PNKD: variants seen among roughly 807,000 people sequenced by gnomAD.
PNKD encodes the protein PNKD metallo-beta-lactamase domain containing.
PNKD carries 36 observed loss-of-function variants against 45.3 expected under a neutral mutation model. That is an observed-to-expected ratio of 0.80 (90% confidence interval 0.61 to 1.05). The LOEUF (loss-of-function observed/expected upper bound fraction) is 1.05. PNKD is among the 50% of genes least tolerant of loss of function. PNKD has a pLI of 0.00. For synonymous variants in PNKD, 197 were observed against 210.1 expected (o/e 0.94, Z 0.54); for missense variants, 511 against 506.6 (o/e 1.01, Z -0.08).
rs547275400 is a variant in PNKD, at chr2:218,345,845, C to T, written c.*864C>T. 12 of 152,566 alleles carry T rather than the reference C, an allele frequency of 7.9e-5. No homozygotes were observed. Among genetic ancestry groups the T allele is most frequent in the African/African-American group, 2.9e-4 (12 of 41,594 alleles). The allele number at this position is 152,566 out of a possible 1,614,324, so 9.5% of individuals were successfully genotyped here. A position where few individuals can be genotyped will look rare whatever the true frequency, so the allele number is the denominator to read the frequency against. On this transcript the variant is annotated 3_prime_UTR_variant, in exon 10 of 10. Transcript: ENST00000273077. ...GGTCCTCTTTGGCCGATGCTGTATTCTCATTTTGGCCCTTGTTCTTAGGCC... is the reference window on the plus strand; with the variant it reads ...GGTCCTCTTTGGCCGATGCTGTATTTTCATTTTGGCCCTTGTTCTTAGGCC...
chr2:218,320,595 C>A (rs1693960814), intron 2 of PNKD, among the ~76,000 whole-genome samples: 1 of 152,120 alleles, frequency 6.6e-6, no homozygotes, highest in African/African-American at 2.4e-5. Context: ...ATGAATAAGA[C>A]CCAGAGTTGG....
At chr2:218,304,521 C>T (rs1187807358) in intron 2 of PNKD, among the ~76,000 whole-genome samples, 1 of 152,190 alleles carries the variant, frequency 6.6e-6, no homozygotes. Flanking sequence ...GCCTGGAGAA[C>T]TGTTTCCAGC....
At chr2:218,279,163 C>G in intron 2 of PNKD, 1 of 1,599,954 alleles carries the variant, frequency 6.3e-7, no homozygotes, top group South Asian at 1.1e-5. Context: ...CCAGGCAGCC[C>G]TGGCTTCACC....
rs780955902 is a variant in PNKD, at chr2:218,307,497, A to G, written c.237-32286A>G. Among the ~76,000 whole-genome samples, 180 of 152,252 alleles carry G rather than the reference A, an allele frequency of 1.2e-3. 1 individual carries two copies. The highest frequency in any genetic ancestry group is 1.7e-3 in the Non-Finnish European group (116 of 68,016). ...ACATCCCTCACATGCGCAGTTCACA[A>G]TAGGGTGCGAGCTCCTATGAGAATC... On this transcript the variant is annotated intron_variant, in intron 2 of 9. Coordinates refer to ENST00000273077, the MANE Select transcript of PNKD (RefSeq NM_015488.5).
intron 1 of PNKD, 79 bp from the exon 2 acceptor site, chr2:218,271,302 C>G (rs1037358511): frequency 1.4e-5 from 17 of 1,220,166 alleles, no homozygotes; most frequent in Non-Finnish European, 1.8e-5. Context: ...CCGCTCCTCC[C>G]AAGCCCTTAC....
intron 2 of PNKD, chr2:218,323,025 G>A: frequency 4.7e-6 from 2 of 429,534 alleles, no homozygotes; most frequent in Non-Finnish European, 7.4e-6. Flanking sequence ...GGCCCGCTGT[G>A]GCCCCGCCTC....
chr2:218,291,947 T>G (rs1451560574), intron 2 of PNKD, among the ~76,000 whole-genome samples: 4 of 133,016 alleles, frequency 3.0e-5, no homozygotes, highest in South Asian at 2.6e-4. Context: ...GGACCCCCCC[T>G]TCCCCACCCC....
At chr2:218,275,949 C>A (rs1691159068) in intron 2 of PNKD, 1 of 1,520,348 alleles carries the variant, frequency 6.6e-7, no homozygotes, top group African/African-American at 1.4e-5. Context: ...CCCAGGCAGT[C>A]TAAATTCATG....
chr2:218,340,111 TGTG>T lies in PNKD; in HGVS notation c.437_439del (p.Val146del). Reference sequence around the variant, plus strand: ...ACACCCAGGCCCAGCTGGCTGTGGCTGTGGACCCTTCAGACCCTCGGGCTGTGC... The same window carrying T: ...ACACCCAGGCCCAGCTGGCTGTGGCTGACCCTTCAGACCCTCGGGCTGTGC... On this transcript the variant is annotated inframe_deletion, in exon 4 of 10. Coordinates refer to ENST00000273077, the MANE Select transcript of PNKD (RefSeq NM_015488.5). The surrounding 1 kb of genome is among the most constrained non-coding windows in gnomAD (Gnocchi z 4.2). 1 of 1,613,582 alleles carries T rather than the reference TGTG, an allele frequency of 6.2e-7. No homozygotes were observed. Among genetic ancestry groups the T allele is most frequent in the South Asian group, 1.1e-5 (1 of 91,078 alleles).
chr2:218,278,019 A>G (rs1300396110), intron 2 of PNKD: 1 of 1,606,570 alleles, frequency 6.2e-7, no homozygotes, highest in Non-Finnish European at 8.5e-7. Flanking sequence ...GGGGCCCCTC[A>G]GGCGTCAGAG....
intron 2 of PNKD, among the ~76,000 whole-genome samples, chr2:218,276,285 G>T (rs187629393): frequency 6.6e-6 from 1 of 152,182 alleles, no homozygotes; most frequent in Non-Finnish European, 1.5e-5. Flanking sequence ...TCCTGCAATG[G>T]CTGTATAAAA....
Position 218,340,639 on chromosome 2 carries a change from C to A in PNKD, c.466-89C>A. 1 of 927,482 alleles carries A rather than the reference C, an allele frequency of 1.1e-6. No homozygotes were observed. The highest frequency in any genetic ancestry group is 1.3e-5 in the South Asian group (1 of 77,154). 57.5% of individuals were successfully genotyped at this position (927,482 alleles called of 1,614,324 possible). A position where few individuals can be genotyped will look rare whatever the true frequency, so the allele number is the denominator to read the frequency against. ...TCATCTCTCCATGCTCTCCTCTCCTCTCCACCAGCGCCCACACTCCTGGCT... is the reference window on the plus strand; with the variant it reads ...TCATCTCTCCATGCTCTCCTCTCCTATCCACCAGCGCCCACACTCCTGGCT... On this transcript the variant is annotated intron_variant, in intron 4 of 9. Coordinates refer to ENST00000273077, the MANE Select transcript of PNKD (RefSeq NM_015488.5). The surrounding 1 kb of genome is among the most constrained non-coding windows in gnomAD (Gnocchi z 4.2).
In PNKD at chr2:218,342,044, T is replaced by TGGCCACACACAA; in HGVS notation, c.687_698dup (p.Thr230_His233dup). 6.2e-7 allele frequency: 1 copy of TGGCCACACACAA among 1,612,994 alleles called. No individual in the cohort carries two copies. Among genetic ancestry groups the TGGCCACACACAA allele is most frequent in the Admixed American group, 1.7e-5 (1 of 60,012 alleles). ...TTCAGATCCGGGCCCTGGCTACACC[T>TGGCCACACACAA]GGCCACACACAAGGCCATCTGGTCT... On this transcript the variant is annotated inframe_insertion, in exon 7 of 10. Coordinates refer to ENST00000273077, the MANE Select transcript of PNKD (RefSeq NM_015488.5).
At chr2:218,306,848 G>A (rs988951267) in intron 2 of PNKD, among the ~76,000 whole-genome samples, 7 of 152,162 alleles carry the variant, frequency 4.6e-5, no homozygotes, top group Non-Finnish European at 7.3e-5. Flanking sequence ...GCTAGGTGTC[G>A]GGATTGGTTT....
Position 218,297,684 on chromosome 2 carries a change from CAAAAAA to C in PNKD, c.236+26153_236+26158del, listed in dbSNP as rs71064428. ...TGGGCAACAGAAAAAGACTCCGTCT[CAAAAAA>C]AAAAAAAAAAAAAAAAAGAGAGAAG... On this transcript the variant is annotated intron_variant, in intron 2 of 9. Transcript: ENST00000273077. Among the ~76,000 whole-genome samples the C allele has an allele frequency of 3.6e-4, 15 of 41,994 alleles. 1 individual carries two copies. Among genetic ancestry groups the C allele is most frequent in the Non-Finnish European group, 4.7e-4 (12 of 25,588 alleles). The allele number at this position is 41,994 out of a possible 152,430, so 27.5% of individuals were successfully genotyped here.
intron 2 of PNKD, among the ~76,000 whole-genome samples, chr2:218,273,249 C>CA (rs1251838231): frequency 1.3e-5 from 2 of 149,546 alleles, no homozygotes; most frequent in African/African-American, 5.1e-5. Flanking sequence ...CTCTGGGCCT[C>CA]AGTTTCCTCA....
At chr2:218,315,422 G>T (rs928246946) in intron 2 of PNKD, among the ~76,000 whole-genome samples, 1 of 152,106 alleles carries the variant, frequency 6.6e-6, no homozygotes, top group Admixed American at 6.6e-5. Flanking sequence ...CTCCCAAAGT[G>T]CTGGGATTCC....
At chr2:218,317,203 G>A (rs1693839144) in intron 2 of PNKD, among the ~76,000 whole-genome samples, 1 of 152,198 alleles carries the variant, frequency 6.6e-6, no homozygotes, top group South Asian at 2.1e-4. Context: ...GTCAGGAACT[G>A]AGGTCAAGGC....
intron 2 of PNKD, 151 bp downstream of exon 2, chr2:218,271,700 G>C (rs539729840): frequency 2.9e-6 from 2 of 678,914 alleles, no homozygotes; most frequent in East Asian, 5.4e-5. Flanking sequence ...AGAGGGGTGG[G>C]GCAGTGGAGG....
Sources: allele counts gnomAD v4.1 joint callset (sites outside exome capture counted in the v4.1 genomes callset), GRCh38; gene constraint gnomAD v4.1.1; non-coding constraint Gnocchi (gnomAD v3.1); transcripts MANE v1.5; gene names NCBI Gene and HGNC (gene_info 2026-07-23, HGNC 2026-07-21).